Variants in HS3ST5 observed in about 807,000 individuals in gnomAD.
The protein encoded by HS3ST5 is heparan sulfate glucosamine 3-O-sulfotransferase 5.
Under a neutral mutation model 25.4 loss-of-function variants are expected in HS3ST5, and 10 were observed. The ratio of observed to expected loss-of-function variants is 0.39; its 90% confidence interval spans 0.24 to 0.67. The LOEUF (loss-of-function observed/expected upper bound fraction) is 0.67, where lower values mean the gene tolerates loss of function less well. HS3ST5 is among the 30% of genes least tolerant of loss of function. HS3ST5 has a pLI of 0.44. For synonymous variants in HS3ST5, 170 were observed against 162.4 expected (o/e 1.05, Z -0.36); for missense variants, 324 against 420.7 (o/e 0.77, Z 2.01).
chr6:114,208,067 T>G (rs976290180), intron 2 of HS3ST5, among the ~76,000 whole-genome samples: 1 of 152,136 alleles, frequency 6.6e-6, no homozygotes, highest in African/African-American at 2.4e-5. Context: ...ACCAAATAAT[T>G]CATAATAACC....
At chr6:114,285,222 T>C (rs1209211403) in intron 1 of HS3ST5, among the ~76,000 whole-genome samples, 1 of 151,950 alleles carries the variant, frequency 6.6e-6, no homozygotes, top group Non-Finnish European at 1.5e-5. Context: ...TTTTCACTTA[T>C]AAGTGGGAGC....
chr6:114,172,558 C>G (rs192367490), intron 2 of HS3ST5, among the ~76,000 whole-genome samples: 5 of 152,332 alleles, frequency 3.3e-5, no homozygotes, highest in Non-Finnish European at 7.4e-5. Context: ...GGCACATCTG[C>G]TTTGTAAATC....
chr6:114,245,060 A>C (rs890210533), intron 1 of HS3ST5, among the ~76,000 whole-genome samples: 5 of 152,214 alleles, frequency 3.3e-5, no homozygotes, highest in African/African-American at 1.2e-4. Context: ...CAACCAGTGA[A>C]TCACAAGGTG....
At chr6:114,224,414 A>G (rs555278384) in intron 2 of HS3ST5, among the ~76,000 whole-genome samples, 2 of 151,682 alleles carry the variant, frequency 1.3e-5, no homozygotes, top group South Asian at 4.1e-4. Flanking sequence ...CACATAATAA[A>G]TTATATCATT....
intron 3 of HS3ST5, among the ~76,000 whole-genome samples, chr6:114,094,497 G>A (rs1049399448): frequency 6.6e-6 from 1 of 152,128 alleles, no homozygotes; most frequent in Admixed American, 6.6e-5. Context: ...TTCTGAATGG[G>A]GGGTAAAGAT....
intron 1 of HS3ST5, among the ~76,000 whole-genome samples, chr6:114,238,786 G>C (rs779747051): frequency 6.6e-6 from 1 of 152,136 alleles, no homozygotes; most frequent in Non-Finnish European, 1.5e-5. Flanking sequence ...AGAGGACCAA[G>C]TTTGTTCCCC....
At chr6:114,074,625 T>C (rs140052044) in intron 3 of HS3ST5, among the ~76,000 whole-genome samples, 1 of 152,302 alleles carries the variant, frequency 6.6e-6, no homozygotes, top group African/African-American at 2.4e-5. Context: ...CTTTCTCTTT[T>C]TGACTTTTCT....
chr6:114,273,290 T>C (rs1177319198), intron 1 of HS3ST5, among the ~76,000 whole-genome samples: 5 of 152,038 alleles, frequency 3.3e-5, no homozygotes, highest in Non-Finnish European at 7.4e-5. Context: ...AGGACACTAT[T>C]ACCATCTACT....
intron 3 of HS3ST5, among the ~76,000 whole-genome samples, chr6:114,086,120 G>T (rs2114779622): frequency 6.6e-6 from 1 of 152,192 alleles, no homozygotes; most frequent in East Asian, 1.9e-4. Context: ...GTGTGGAATT[G>T]TACATGGCTC....
At chr6:114,184,772 C>G (rs1424567011) in intron 2 of HS3ST5, among the ~76,000 whole-genome samples, 2 of 152,168 alleles carry the variant, frequency 1.3e-5, no homozygotes, top group East Asian at 3.9e-4. Context: ...GGTGGGACTG[C>G]TGACCCAGTG....
rs780915988 is a variant in HS3ST5 at position 114,058,171 on chromosome 6, T to C, written c.127A>G (p.Ile43Val). 6.2e-7 allele frequency: 1 copy of C among 1,605,914 alleles called. No individual in the cohort carries two copies. The highest frequency in any genetic ancestry group is 2.2e-5 in the East Asian group (1 of 44,636). Reference sequence around the variant, plus strand: ...CGGGCTCCACCCAGTCGACCTTCAATGGGGCAAATGGGTTGTAGCCTGCAA... The same window carrying C: ...CGGGCTCCACCCAGTCGACCTTCAACGGGGCAAATGGGTTGTAGCCTGCAA... ...SLDRLQPICP[I>V]EGRLGGARTQ... The change falls in exon 5 of 5, where the codon ATT becomes GTT. Residue 43 changes from isoleucine (I) to valine (V), a missense_variant. Physicochemically the swap from Ile to Val is conservative, Grantham distance 29. Coordinates refer to ENST00000312719, the MANE Select transcript of HS3ST5 (RefSeq NM_153612.4).
chr6:114,269,370 C>A (rs1397848001), intron 1 of HS3ST5, among the ~76,000 whole-genome samples: 1 of 152,068 alleles, frequency 6.6e-6, no homozygotes, highest in Non-Finnish European at 1.5e-5. Flanking sequence ...ATATGTAAGA[C>A]CATGCATGAA....
intron 1 of HS3ST5, among the ~76,000 whole-genome samples, chr6:114,280,438 G>A (rs774612298): frequency 6.6e-6 from 1 of 151,886 alleles, no homozygotes; most frequent in Non-Finnish European, 1.5e-5. Context: ...AGATTCAGGA[G>A]GTACGCCCTC....
chr6:114,215,421 AGT>A (rs2114458678), intron 2 of HS3ST5, among the ~76,000 whole-genome samples: 1 of 152,216 alleles, frequency 6.6e-6, no homozygotes, highest in African/African-American at 2.4e-5. Context: ...TCTCCCTACA[AGT>A]GATTGATGAG....
chr6:114,127,470 C>A (rs12215634), intron 3 of HS3ST5, among the ~76,000 whole-genome samples: 11,542 of 151,988 alleles, frequency 0.076, 593 homozygotes, highest in Middle Eastern at 0.11. Flanking sequence ...AAATAGTAAC[C>A]TAACTGGTCA....
intron 3 of HS3ST5, among the ~76,000 whole-genome samples, chr6:114,124,098 A>G (rs1776922295): frequency 6.6e-6 from 1 of 151,932 alleles, no homozygotes. Flanking sequence ...TTGCCTCTGG[A>G]ATGCTTCTGA....
chr6:114,268,620 A>G (rs1423495793), intron 1 of HS3ST5, among the ~76,000 whole-genome samples: 1 of 152,232 alleles, frequency 6.6e-6, no homozygotes, highest in Non-Finnish European at 1.5e-5. Flanking sequence ...ACAATTCAGA[A>G]ATGAACAGTT....
chr6:114,306,270 C>CAA (rs1241820667), intron 1 of HS3ST5, among the ~76,000 whole-genome samples: 1 of 146,510 alleles, frequency 6.8e-6, no homozygotes, highest in African/African-American at 2.5e-5. Flanking sequence ...CACACACACA[C>CAA]ACACACACAT....
At chr6:114,180,305 A>G (rs1467192031) in intron 2 of HS3ST5, among the ~76,000 whole-genome samples, 1 of 152,106 alleles carries the variant, frequency 6.6e-6, no homozygotes, top group Non-Finnish European at 1.5e-5. Context: ...CTCCCAATGT[A>G]TGTCACGCTG....
Sources: allele counts gnomAD v4.1 joint callset (sites outside exome capture counted in the v4.1 genomes callset), GRCh38; gene constraint gnomAD v4.1.1; transcripts MANE v1.5; gene names NCBI Gene and HGNC (gene_info 2026-07-23, HGNC 2026-07-21).